CNPY3: variants seen among roughly 807,000 people sequenced by gnomAD.
CNPY3 encodes the protein canopy FGF signaling regulator 3.
CNPY3 carries 20 observed loss-of-function variants against 32.0 expected under a neutral mutation model. That is an observed-to-expected ratio of 0.63 (90% CI 0.44 to 0.91). The LOEUF is 0.91. Ranked by LOEUF, CNPY3 falls within the 40% of genes least tolerant of loss-of-function variation. The pLI, the probability that CNPY3 is intolerant of heterozygous loss-of-function variation, is 0.00. For synonymous variants in CNPY3, 138 were observed against 142.9 expected, an observed-to-expected ratio of 0.97 and a Z score of 0.24; for missense variants, 299 against 340.8, an observed-to-expected ratio of 0.88 and a Z score of 0.97.
At chr6:42,931,015 G>C (rs1334158880) in intron 1 of CNPY3, among the ~76,000 whole-genome samples, 1 of 151,090 alleles carries the variant, frequency 6.6e-6, no homozygotes, top group African/African-American at 2.4e-5. Flanking sequence ...TCAGCCTCCT[G>C]AGTAGCTGGG....
Position 42,932,447 on chromosome 6 carries a change from G to A in CNPY3, c.152-2028G>A, listed in dbSNP as rs544760384. Reference sequence around the variant, plus strand: ...GTGGGTGGATGTCAGTGAGGGTCTGGTGTCTGTGCCGTGAATCTCCTGTGA... The same window carrying A: ...GTGGGTGGATGTCAGTGAGGGTCTGATGTCTGTGCCGTGAATCTCCTGTGA... On this transcript the variant is annotated intron_variant, in intron 1 of 5. Transcript: ENST00000372836. Among the ~76,000 whole-genome samples, 36 of 152,312 alleles carry A rather than the reference G, an allele frequency of 2.4e-4. No homozygotes were observed. The South Asian group carries it at 6.4e-3, about 27-fold the overall frequency.
rs748265663 is a variant in CNPY3, at chr6:42,938,699, C to T, written c.745C>T (p.Leu249=). 2.5e-6 allele frequency: 4 copies of T among 1,613,740 alleles called. No homozygotes were observed. In the African/African-American group the frequency reaches 5.3e-5, roughly 22 times the overall value. ...RSSSSKQRKE[L]GGLEGDPSPE... ...TAGCAGCAGCAAACAAAGGAAGGAG[C>T]TGGGTGGCCTTGAGGGAGACCCCAG... The change falls in exon 6 of 6, where the codon CTG becomes TTG. Residue 249 remains leucine, a synonymous_variant. Coordinates refer to ENST00000372836, the MANE Select transcript of CNPY3 (RefSeq NM_006586.5).
At position 42,939,136 on chromosome 6, in the gene CNPY3, A is replaced by T; in HGVS notation, c.*345A>T. 1 of 1,092,682 alleles carries T rather than the reference A, an allele frequency of 9.2e-7. No homozygotes were observed. Among genetic ancestry groups the T allele is most frequent in the South Asian group, 3.7e-5 (1 of 27,030 alleles). 67.7% of individuals were successfully genotyped at this position (1,092,682 alleles called of 1,614,324 possible). On this transcript the variant is annotated 3_prime_UTR_variant, in exon 6 of 6. Transcript: ENST00000372836. The stretch of plus-strand genomic sequence containing the variant: ...CCGGAGACCAAACTCACCATCCCTC[A>T]GTCCTCCCCAACAGGGTACTAGGAC...
At chr6:42,934,426 C>G in intron 1 of CNPY3, 49 bp from the exon 2 acceptor site, 1 of 1,609,770 alleles carries the variant, frequency 6.2e-7, no homozygotes, top group Non-Finnish European at 8.5e-7. Context: ...AGCTGGCCTC[C>G]CATTAGACTC....
intron 2 of CNPY3, 98 bp downstream of exon 2, chr6:42,934,696 G>A (rs1348221162): frequency 1.3e-6 from 2 of 1,527,116 alleles, no homozygotes; most frequent in Admixed American, 3.8e-5. Flanking sequence ...CCCCTACAAG[G>A]GCATCATTTG....
At chr6:42,935,435 T>C in intron 2 of CNPY3, 139 bp from the exon 3 acceptor site, 1 of 1,346,822 alleles carries the variant, frequency 7.4e-7, no homozygotes, top group South Asian at 2.1e-5. Flanking sequence ...CCAGACCAGA[T>C]GACCTATCTT....
intron 2 of CNPY3, among the ~76,000 whole-genome samples, chr6:42,934,834 T>C (rs1308392620): frequency 6.6e-6 from 1 of 152,214 alleles, no homozygotes; most frequent in East Asian, 1.9e-4. Context: ...GACTATATCA[T>C]TGATTCTCAG....
At chr6:42,928,503 C>G (rs1229539984), upstream of CNPY3, among the ~76,000 whole-genome samples, 1 of 151,824 alleles carries the variant, frequency 6.6e-6, no homozygotes, top group Non-Finnish European at 1.5e-5. Context: ...AGGCTGGTCT[C>G]CAACTCCTGG....
At chr6:42,935,159 C>T (rs1253085478) in intron 2 of CNPY3, among the ~76,000 whole-genome samples, 2 of 152,158 alleles carry the variant, frequency 1.3e-5, no homozygotes, top group East Asian at 1.9e-4. Context: ...TGAGCCACCA[C>T]ACCCGGCCAC....
intron 1 of CNPY3, 123 bp downstream of exon 1, chr6:42,929,844 C>A: frequency 8.5e-7 from 1 of 1,173,322 alleles, no homozygotes; most frequent in Non-Finnish European, 1.2e-6. Context: ...CTTCCTTGAA[C>A]AGGCTTGCGC....
chr6:42,929,393 C>G (rs927777565), upstream of CNPY3: 4 of 678,444 alleles, frequency 5.9e-6, no homozygotes, highest in Non-Finnish European at 9.7e-6. Flanking sequence ...GTCCGCGGGC[C>G]TTGGTCCGCT....
Position 42,935,621 on chromosome 6 carries a change from T to A in CNPY3, c.323T>A (p.Leu108Gln). Residue 108 changes from leucine (L) to glutamine (Q), a missense_variant, in exon 3 of 6, where the codon CTG becomes CAG. Leu to Gln is a moderately radical substitution (Grantham distance 113). Coordinates refer to ENST00000372836, the MANE Select transcript of CNPY3 (RefSeq NM_006586.5). ...EVTETICKRL[L>Q]DYSLHKERTG... is the part of the protein sequence containing the mutation. ...ACTGAGACCATTTGCAAGAGGCTCC[T>A]GGATTATAGCCTGCACAAGGAGAGG... 1.9e-6 allele frequency: 3 copies of A among 1,612,580 alleles called. No homozygotes were observed. Among genetic ancestry groups the A allele is most frequent in the Non-Finnish European group, 2.5e-6 (3 of 1,178,732 alleles).
chr6:42,938,612 G>A lies in CNPY3; in HGVS notation c.658G>A (p.Ala220Thr), dbSNP rs147735655. 207 of 1,606,902 alleles carry A rather than the reference G, an allele frequency of 1.3e-4. No individual in the cohort carries two copies. In the African/African-American group the frequency reaches 2.3e-3, roughly 18 times the overall value. Residue 220 changes from alanine to threonine, a missense_variant, in exon 6 of 6, where the codon GCC becomes ACC. Physicochemically the swap from Ala to Thr is moderately conservative, Grantham distance 58. Coordinates refer to ENST00000372836, the MANE Select transcript of CNPY3 (RefSeq NM_006586.5). ...QWSGKKGDTA[A>T]LGGKKSKKKS... ...GTCCGGCAAGAAGGGAGACACAGCT[G>A]CCCTGGGAGGGAAGAAGTCCAAGAA...
chr6:42,934,405 G>C, intron 1 of CNPY3, 70 bp from the exon 2 acceptor site: 2 of 1,597,018 alleles, frequency 1.3e-6, no homozygotes, highest in South Asian at 2.2e-5. Flanking sequence ...ACCTGGATCT[G>C]TTTTGCTGGG....
intron 1 of CNPY3, among the ~76,000 whole-genome samples, chr6:42,932,159 T>C (rs1767876670): frequency 6.6e-6 from 1 of 152,192 alleles, no homozygotes; most frequent in South Asian, 2.1e-4. Context: ...AGGATCTCTA[T>C]ATCTCTATAT....
At chr6:42,932,402 A>C (rs934991975) in intron 1 of CNPY3, among the ~76,000 whole-genome samples, 3 of 152,032 alleles carry the variant, frequency 2.0e-5, no homozygotes, top group Non-Finnish European at 4.4e-5. Flanking sequence ...GAGGAAGGAG[A>C]ACCTGCCCGG....
At chr6:42,935,317 T>A in intron 2 of CNPY3, 1 of 593,088 alleles carries the variant, frequency 1.7e-6, no homozygotes, top group African/African-American at 2.0e-5. Flanking sequence ...ATAATTTTGC[T>A]TTATCAAAAA....
intron 1 of CNPY3, among the ~76,000 whole-genome samples, chr6:42,933,940 G>A (rs1768022211): frequency 6.6e-6 from 1 of 152,180 alleles, no homozygotes; most frequent in African/African-American, 2.4e-5. Flanking sequence ...TGAGGCCGAG[G>A]TGGGCGGATC....
chr6:42,938,025 C>T (rs189815038), intron 4 of CNPY3, 65 bp from the exon 5 acceptor site: 92 of 1,510,282 alleles, frequency 6.1e-5, no homozygotes, highest in Non-Finnish European at 7.8e-5. Context: ...CGAGGCTTAG[C>T]TGAGCTCCTC....
Sources: allele counts gnomAD v4.1 joint callset (sites outside exome capture counted in the v4.1 genomes callset), GRCh38; gene constraint gnomAD v4.1.1; transcripts MANE v1.5; gene names NCBI Gene and HGNC (gene_info 2026-07-23, HGNC 2026-07-21).